KRT85: variants seen among roughly 807,000 people sequenced by gnomAD.
KRT85 encodes keratin 85, also known as keratin, type II cuticular Hb5.
Under a neutral mutation model 53.7 loss-of-function variants are expected in KRT85, and 39 were observed. That is an observed-to-expected ratio of 0.73 (90% CI 0.56 to 0.95). The LOEUF (loss-of-function observed/expected upper bound fraction) is 0.95. KRT85 is among the 40% of genes least tolerant of loss of function. The pLI is 0.00. For synonymous variants in KRT85, 291 were observed against 277.5 expected (o/e 1.05, Z -0.48); for missense variants, 668 against 686.0 (o/e 0.97, Z 0.29).
chr12:52,365,801 C>T (rs1284685371), intron 1 of KRT85, among the ~76,000 whole-genome samples: 1 of 152,176 alleles, frequency 6.6e-6, no homozygotes, highest in Non-Finnish European at 1.5e-5. Context: ...AAATGCCCAG[C>T]TCATGGTAAG....
intron 1 of KRT85, among the ~76,000 whole-genome samples, chr12:52,365,533 G>C (rs1332402653): frequency 6.6e-6 from 1 of 152,198 alleles, no homozygotes; most frequent in South Asian, 2.1e-4. Context: ...TCCCTGACAC[G>C]TAGTAAATGC....
rs535108470 is a variant in KRT85 at position 52,366,621 on chromosome 12, G to A, written c.420+365C>T. The stretch of plus-strand genomic sequence containing the variant: ...GTCTTGGCTCAAGAAACACACACAC[G>A]CTCACACACATGTACACACTCACAT... On this transcript the variant is annotated intron_variant, in intron 1 of 8. Coordinates refer to ENST00000257901, the MANE Select transcript of KRT85 (RefSeq NM_002283.4). Among the ~76,000 whole-genome samples the A allele has an allele frequency of 6.6e-5, 10 of 152,016 alleles. No individual in the cohort carries two copies. The East Asian group carries it at 7.7e-4, about 12-fold the overall frequency.
At position 52,361,333 on chromosome 12, in the gene KRT85, A is replaced by G; in HGVS notation, c.1330+134T>C. ...AGCTCAGCTTTCTCTAACACCTGTC[A>G]TGGCCCCCACTGAGGAGCCAGGGGA... On this transcript the variant is annotated intron_variant, in intron 8 of 8. Transcript: ENST00000257901. 4 of 861,462 alleles carry G rather than the reference A, an allele frequency of 4.6e-6. No homozygotes were observed. In the South Asian group the frequency reaches 5.5e-5, roughly 12 times the overall value. 53.4% of individuals were successfully genotyped at this position (861,462 alleles called of 1,614,324 possible).
chr12:52,361,440 C>G (rs202198441), intron 8 of KRT85, 27 bp downstream of exon 8: 6 of 1,612,034 alleles, frequency 3.7e-6, no homozygotes, highest in Non-Finnish European at 5.1e-6. Flanking sequence ...AGCCATTTTT[C>G]CAGGAGAATT....
chr12:52,366,642 C>T (rs2121410019), intron 1 of KRT85, among the ~76,000 whole-genome samples: 1 of 151,442 alleles, frequency 6.6e-6, no homozygotes, highest in South Asian at 2.1e-4. Context: ...TGTACACACT[C>T]ACATGCATAC....
intron 1 of KRT85, among the ~76,000 whole-genome samples, chr12:52,365,966 AAG>A (rs1939265753): frequency 6.6e-6 from 1 of 152,180 alleles, no homozygotes; most frequent in Non-Finnish European, 1.5e-5. Flanking sequence ...TCACTAAAGA[AAG>A]AGTGAAAACG....
intron 2 of KRT85, 188 bp downstream of exon 2, chr12:52,364,774 A>C (rs1273490160): frequency 1.5e-6 from 2 of 1,366,242 alleles, no homozygotes; most frequent in Non-Finnish European, 2.0e-6. Context: ...TCTAAGGCTC[A>C]CAGGGGTGGA....
In KRT85 at chr12:52,363,363, G is replaced by A; in HGVS notation, c.834C>T (p.Val278=). ...TCAGGTCTCGGCTGTTGTCCATCTT[G>A]ACTATGACCGAGGTGTCTGAGATGT... ...QAHISDTSVI[V]KMDNSRDLNM... is the part of the protein sequence containing the mutation. Residue 278 remains valine (V), a synonymous_variant, in exon 5 of 9, where the codon GTC becomes GTT. Transcript: ENST00000257901. The A allele has an allele frequency of 6.2e-7, 1 of 1,614,160 alleles. No homozygotes were observed. Among genetic ancestry groups the A allele is most frequent in the Non-Finnish European group, 8.5e-7 (1 of 1,180,030 alleles).
At chr12:52,365,234 GTC>G in intron 1 of KRT85, 64 bp from the exon 2 acceptor site, 2 of 1,546,450 alleles carry the variant, frequency 1.3e-6, no homozygotes, top group Admixed American at 1.7e-5. Context: ...GTCCCCCACA[GTC>G]TCTCTGCCCT....
Position 52,364,168 on chromosome 12 carries a change from C to A in KRT85, c.691-5G>T. 1 of 1,614,104 alleles carries A rather than the reference C, an allele frequency of 6.2e-7. No homozygotes were observed. Among genetic ancestry groups the A allele is most frequent in the Non-Finnish European group, 8.5e-7 (1 of 1,179,956 alleles). Reference sequence around the variant, plus strand: ...CAGGTAGGCACAGTCCACGTCCTGGCCGTGGGACAAAGAGGAGGGGACATG... The same window carrying A: ...CAGGTAGGCACAGTCCACGTCCTGGACGTGGGACAAAGAGGAGGGGACATG... On this transcript the variant is annotated splice_region_variant and splice_polypyrimidine_tract_variant and intron_variant, in intron 3 of 8. Transcript: ENST00000257901.
intron 7 of KRT85, 151 bp downstream of exon 7, chr12:52,362,100 C>G: frequency 9.7e-7 from 1 of 1,029,114 alleles, no homozygotes; most frequent in South Asian, 1.4e-5. Context: ...ACAGGTCTAG[C>G]ACAGAAGCAT....
At position 52,363,228 on chromosome 12, in the gene KRT85, G is replaced by T. The variant is rs765187925; in HGVS notation, c.951+18C>A. 26 of 1,613,944 alleles carry T rather than the reference G, an allele frequency of 1.6e-5. No homozygotes were observed. The highest frequency in any genetic ancestry group is 1.9e-5 in the Non-Finnish European group (22 of 1,179,936). On this transcript the variant is annotated intron_variant, in intron 5 of 8. Coordinates refer to ENST00000257901, the MANE Select transcript of KRT85 (RefSeq NM_002283.4). Reference sequence around the variant, plus strand: ...TCCCACTGCCATGCTTAGCAGGCAGGTGTCCTGTGCCACTCACCTTGCTAC... The same window carrying T: ...TCCCACTGCCATGCTTAGCAGGCAGTTGTCCTGTGCCACTCACCTTGCTAC...
At chr12:52,365,445 A>C (rs1461053904) in intron 1 of KRT85, among the ~76,000 whole-genome samples, 1 of 152,210 alleles carries the variant, frequency 6.6e-6, no homozygotes, top group African/African-American at 2.4e-5. Flanking sequence ...TCTCCTTTCC[A>C]AAATGGAGCG....
chr12:52,360,706 G>C lies in KRT85; in HGVS notation c.*147C>G. 1 of 912,780 alleles carries C rather than the reference G, an allele frequency of 1.1e-6. No homozygotes were observed. Among genetic ancestry groups the C allele is most frequent in the Non-Finnish European group, 1.8e-6 (1 of 571,162 alleles). The allele number at this position is 912,780 out of a possible 1,614,324, so 56.5% of individuals were successfully genotyped here. ...ATGAAAAGGCGCAGGGGAGCGGCCCGAGGGTCTTTCCCTCTGTAGGTCTTT... is the reference window on the plus strand; with the variant it reads ...ATGAAAAGGCGCAGGGGAGCGGCCCCAGGGTCTTTCCCTCTGTAGGTCTTT... On this transcript the variant is annotated 3_prime_UTR_variant, in exon 9 of 9. Coordinates refer to ENST00000257901, the MANE Select transcript of KRT85 (RefSeq NM_002283.4).
chr12:52,367,437 C>A lies in KRT85; in HGVS notation c.-32G>T. The A allele has an allele frequency of 6.2e-7, 1 of 1,612,218 alleles. No individual in the cohort carries two copies. The highest frequency in any genetic ancestry group is 8.5e-7 in the Non-Finnish European group (1 of 1,178,930). ...AGGCTGAGCAGAGTCTGAGAGGCAG[C>A]GGAAGGTGGTGCGGGCGGCAGAGTG... On this transcript the variant is annotated 5_prime_UTR_variant, in exon 1 of 9. Coordinates refer to ENST00000257901, the MANE Select transcript of KRT85 (RefSeq NM_002283.4).
At chr12:52,361,343 C>T in intron 8 of KRT85, 124 bp downstream of exon 8, 1 of 928,166 alleles carries the variant, frequency 1.1e-6, no homozygotes, top group Non-Finnish European at 1.8e-6. Context: ...ATGGCCCCCA[C>T]TGAGGAGCCA....
Position 52,365,145 on chromosome 12 carries a change from T to C in KRT85, c.446A>G (p.Lys149Arg). 6.2e-7 allele frequency: 1 copy of C among 1,614,228 alleles called. No individual in the cohort carries two copies. Among genetic ancestry groups the C allele is most frequent in the South Asian group, 1.1e-5 (1 of 91,082 alleles). Residue 149 changes from lysine to arginine, a missense_variant, in exon 2 of 9, where the codon AAG (lysine) becomes AGG (arginine). By Grantham distance (26) the Lys-to-Arg change is conservative. This residue lies in a region of KRT85 where 488 missense variants were observed against 498.1 expected (regional missense o/e 0.98). Coordinates refer to ENST00000257901, the MANE Select transcript of KRT85 (RefSeq NM_002283.4). ...DKVRFLEQQN[K>R]LLETKWQFYQ... ...GAACTGCCACTTGGTCTCCAGCAGCTTGTTCTGCTGCTCCAGGAAGCGCAC... is the reference window on the plus strand; with the variant it reads ...GAACTGCCACTTGGTCTCCAGCAGCCTGTTCTGCTGCTCCAGGAAGCGCAC...
At chr12:52,365,196 T>C in intron 1 of KRT85, 26 bp from the exon 2 acceptor site, 3 of 1,613,334 alleles carry the variant, frequency 1.9e-6, no homozygotes, top group Non-Finnish European at 2.5e-6. Context: ...AAAGAAGAAG[T>C]CAGAGGGAGC....
intron 7 of KRT85, among the ~76,000 whole-genome samples, chr12:52,361,906 T>A (rs1939196229): frequency 6.6e-6 from 1 of 152,144 alleles, no homozygotes; most frequent in African/African-American, 2.4e-5. Flanking sequence ...TAGGAAGCTA[T>A]TCAACAAGGA....
Sources: allele counts gnomAD v4.1 joint callset (sites outside exome capture counted in the v4.1 genomes callset), GRCh38; gene constraint gnomAD v4.1.1; regional missense constraint gnomAD v4.1.1; transcripts MANE v1.5; gene names NCBI Gene and HGNC (gene_info 2026-07-23, HGNC 2026-07-21).